Variants in IFT57 observed in about 807,000 individuals in gnomAD.
IFT57 encodes intraflagellar transport 57, also known as intraflagellar transport protein 57 homolog.
In IFT57, 59 loss-of-function variants were observed where a neutral mutation model predicts 56.8. The ratio of observed to expected loss-of-function variants is 1.04; its 90% CI spans 0.84 to 1.29. The LOEUF (loss-of-function observed/expected upper bound fraction) is 1.29. Among genes scored for constraint, IFT57 ranks in the 50% most tolerant of loss-of-function variants. The probability of loss-of-function intolerance (pLI) is 0.00; values close to 1 mark genes in which losing one functional copy is unlikely to be tolerated. For synonymous variants in IFT57, 209 were observed against 186.1 expected (o/e 1.12, Z -1.00); for missense variants, 470 against 522.1 (o/e 0.90, Z 0.97).
At position 108,161,646 on chromosome 3, in the gene IFT57, C is replaced by G. The variant is rs1421605729; in HGVS notation, c.*831G>C. 6.6e-6 allele frequency: 1 copy of G among 152,048 alleles called. No individual in the cohort carries two copies. Among genetic ancestry groups the G allele is most frequent in the Non-Finnish European group, 1.5e-5 (1 of 68,022 alleles). 9.4% of individuals were successfully genotyped at this position (152,048 alleles called of 1,614,324 possible). ...CTGCTTTTTTCACCAATTTAGAAAT[C>G]CTAGCCTAGAAAGTTGCTCAGGAAG... is the stretch of plus-strand genomic sequence containing the variant. On this transcript the variant is annotated 3_prime_UTR_variant, in exon 11 of 11. Transcript: ENST00000264538.
chr3:108,196,341 G>A (rs1039561939), intron 5 of IFT57, among the ~76,000 whole-genome samples: 1 of 151,962 alleles, frequency 6.6e-6, no homozygotes, highest in African/African-American at 2.4e-5. Context: ...GCGCACACCC[G>A]TCCATACTAC....
At chr3:108,171,311 G>A (rs2080090773) in intron 6 of IFT57, among the ~76,000 whole-genome samples, 1 of 151,846 alleles carries the variant, frequency 6.6e-6, no homozygotes, top group Non-Finnish European at 1.5e-5. Flanking sequence ...CATAGCTATT[G>A]GTGCACCTGG....
At chr3:108,198,663 A>T (rs1464207264) in intron 5 of IFT57, among the ~76,000 whole-genome samples, 2 of 152,144 alleles carry the variant, frequency 1.3e-5, no homozygotes, top group African/African-American at 4.8e-5. Context: ...GCTAGTCTTG[A>T]AATTCTGGCC....
intron 7 of IFT57, 125 bp from the exon 8 acceptor site, chr3:108,167,110 T>C: frequency 3.7e-6 from 3 of 800,358 alleles, no homozygotes. Flanking sequence ...AGAAGACAGC[T>C]TGAAATTTTC....
intron 9 of IFT57, among the ~76,000 whole-genome samples, chr3:108,164,039 C>T (rs572535351): frequency 4.3e-4 from 66 of 152,072 alleles, no homozygotes; most frequent in Non-Finnish European, 6.2e-4. Flanking sequence ...ATTATCTCAT[C>T]GCATATACTT....
chr3:108,167,534 TTCTC>T (rs1432478275), intron 7 of IFT57, among the ~76,000 whole-genome samples: 2 of 150,410 alleles, frequency 1.3e-5, no homozygotes, highest in Non-Finnish European at 3.0e-5. Context: ...GATGAAATGT[TTCTC>T]TCTAATATAT....
At chr3:108,170,273 C>T (rs2080085900) in intron 6 of IFT57, among the ~76,000 whole-genome samples, 1 of 151,976 alleles carries the variant, frequency 6.6e-6, no homozygotes, top group South Asian at 2.1e-4. Context: ...CCCAAAACTC[C>T]TTAAGCTAAT....
At chr3:108,179,299 T>C (rs921566654) in intron 6 of IFT57, among the ~76,000 whole-genome samples, 1 of 151,862 alleles carries the variant, frequency 6.6e-6, no homozygotes. Flanking sequence ...GTCTAAAAAC[T>C]CATCTAGGGT....
chr3:108,186,293 G>A (rs575517101), intron 6 of IFT57, among the ~76,000 whole-genome samples: 85 of 138,210 alleles, frequency 6.2e-4, no homozygotes, highest in African/African-American at 2.3e-3. Flanking sequence ...GACAATCAAG[G>A]AAATCATGAT....
At chr3:108,195,635 A>G (rs1447123048) in intron 5 of IFT57, among the ~76,000 whole-genome samples, 1 of 152,208 alleles carries the variant, frequency 6.6e-6, no homozygotes, top group African/African-American at 2.4e-5. Context: ...GATATTATTT[A>G]GCCATAAAAA....
chr3:108,172,878 G>A (rs940101705), intron 6 of IFT57, among the ~76,000 whole-genome samples: 1 of 151,808 alleles, frequency 6.6e-6, no homozygotes, highest in Admixed American at 6.6e-5. Context: ...GGACATTCAT[G>A]TATTTATAAA....
chr3:108,164,243 T>C (rs1177810803), intron 9 of IFT57, among the ~76,000 whole-genome samples: 1 of 152,008 alleles, frequency 6.6e-6, no homozygotes, highest in Admixed American at 6.6e-5. Flanking sequence ...TATTGCTTTA[T>C]CCAAATCATG....
chr3:108,166,905 C>G lies in IFT57; in HGVS notation c.930G>C (p.Gln310His). The G allele has an allele frequency of 6.2e-7, 1 of 1,611,724 alleles. No homozygotes were observed. Among genetic ancestry groups the G allele is most frequent in the Non-Finnish European group, 8.5e-7 (1 of 1,178,582 alleles). The part of the protein sequence containing the change: ...ISSREKYINN[Q>H]LENLVQEYRA... ...GATATTCTTGAACCAAATTCTCAAG[C>G]TGATTGTTGATGTACTTTTCTCGGC... The change falls in exon 8 of 11, where the codon CAG becomes CAC. Residue 310 changes from glutamine (Q) to histidine (H), a missense_variant. Gln to His is a conservative substitution (Grantham distance 24). Transcript: ENST00000264538.
chr3:108,174,010 G>A lies in IFT57; in HGVS notation c.778-6146C>T, dbSNP rs940362169. Among the ~76,000 whole-genome samples, 126 of 147,098 alleles carry A rather than the reference G, an allele frequency of 8.6e-4. 1 individual carries two copies. Among genetic ancestry groups the A allele is most frequent in the Middle Eastern group, 3.6e-3 (1 of 278 alleles). On this transcript the variant is annotated intron_variant, in intron 6 of 10. Transcript: ENST00000264538. ...TGCATATATTTGAGTGTGTGTGTGT[G>A]TGTGTGTGTGTGTGTGTGTGTGTGT...
intron 6 of IFT57, among the ~76,000 whole-genome samples, chr3:108,175,941 A>C (rs2080121691): frequency 6.6e-6 from 1 of 151,800 alleles, no homozygotes; most frequent in African/African-American, 2.4e-5. Context: ...ACCAGACCAC[A>C]ACTGACTGTA....
At chr3:108,204,359 T>C (rs2080297835) in intron 5 of IFT57, among the ~76,000 whole-genome samples, 1 of 152,212 alleles carries the variant, frequency 6.6e-6, no homozygotes, top group Non-Finnish European at 1.5e-5. Flanking sequence ...ACTTAGATAA[T>C]TTACAAAAAC....
At chr3:108,179,131 G>A (rs969620719) in intron 6 of IFT57, among the ~76,000 whole-genome samples, 1 of 151,798 alleles carries the variant, frequency 6.6e-6, no homozygotes. Context: ...TCTGTAGCTG[G>A]GCAGCAAGGC....
At chr3:108,181,623 AT>A (rs1308593278) in intron 6 of IFT57, among the ~76,000 whole-genome samples, 2 of 152,090 alleles carry the variant, frequency 1.3e-5, no homozygotes, top group African/African-American at 4.8e-5. Context: ...CCTCTTTTTG[AT>A]TATAGCAGGT....
Position 108,174,669 on chromosome 3 carries a change from T to C in IFT57, c.778-6805A>G, listed in dbSNP as rs376701337. On this transcript the variant is annotated intron_variant, in intron 6 of 10. Coordinates refer to ENST00000264538, the MANE Select transcript of IFT57 (RefSeq NM_018010.4). Reference sequence around the variant, plus strand: ...TCACTATGTGGTTCTCTTTAGCCAGTGGAATGATGGTGGACATGGTCTATG... The same window carrying C: ...TCACTATGTGGTTCTCTTTAGCCAGCGGAATGATGGTGGACATGGTCTATG... 1.0e-3 allele frequency among the ~76,000 whole-genome samples: 153 copies of C among 151,906 alleles called. 2 individuals are homozygous for C. The highest frequency in any genetic ancestry group is 3.5e-3 in the African/African-American group (145 of 41,486).
Sources: allele counts gnomAD v4.1 joint callset (sites outside exome capture counted in the v4.1 genomes callset), GRCh38; gene constraint gnomAD v4.1.1; transcripts MANE v1.5; gene names NCBI Gene and HGNC (gene_info 2026-07-23, HGNC 2026-07-21).